The following ZFYVE16 variants were observed in gnomAD, a reference collection of about 807,000 sequenced individuals.
The protein encoded by ZFYVE16 is zinc finger FYVE-type containing 16.
Under a neutral mutation model 138.1 loss-of-function variants are expected in ZFYVE16, and 89 were observed. That is an observed-to-expected ratio of 0.64 (90% confidence interval 0.54 to 0.77). The LOEUF is 0.77. ZFYVE16 is among the 30% of genes least tolerant of loss of function. The pLI is 0.00. For missense variants in ZFYVE16, 1,793 were observed against 1,786.7 expected (o/e 1.00, Z -0.06); for synonymous variants, 596 against 618.3 (o/e 0.96, Z 0.53).
intron 2 of ZFYVE16, among the ~76,000 whole-genome samples, chr5:80,432,326 A>C (rs1347277122): frequency 1.3e-5 from 2 of 152,148 alleles, no homozygotes; most frequent in African/African-American, 2.4e-5. Flanking sequence ...CAAAAACAAG[A>C]AATGGGGAAA....
chr5:80,451,737 G>T lies in ZFYVE16; in HGVS notation c.3607+28G>T, dbSNP rs369633433. ...AAGTTTTAGAGTAATAAGTTAAATT[G>T]CATATTTTCAAATATACTGAATGTA... is the stretch of plus-strand genomic sequence containing the variant. On this transcript the variant is annotated intron_variant, in intron 11 of 18. Coordinates refer to ENST00000505560, the MANE Select transcript of ZFYVE16 (RefSeq NM_001284236.3). 265 of 1,572,246 alleles carry T rather than the reference G, an allele frequency of 1.7e-4. No individual in the cohort carries two copies. In the African/African-American group the frequency reaches 3.1e-3, roughly 19 times the overall value.
At chr5:80,454,539 C>T (rs1363478833) in intron 11 of ZFYVE16, 2 of 151,128 alleles carry the variant, frequency 1.3e-5, no homozygotes, top group African/African-American at 4.9e-5. Context: ...CGGAGTCTCA[C>T]TCTGTCGCCC....
At chr5:80,471,817 C>T (rs1408558658) in intron 15 of ZFYVE16, among the ~76,000 whole-genome samples, 2 of 152,174 alleles carry the variant, frequency 1.3e-5, no homozygotes, top group African/African-American at 4.8e-5. Flanking sequence ...ATCACCTTGA[C>T]ATTGTGTAGA....
chr5:80,474,917 G>C lies in ZFYVE16; in HGVS notation c.4461+87G>C, dbSNP rs1754745309. 5 of 1,424,266 alleles carry C rather than the reference G, an allele frequency of 3.5e-6. No homozygotes were observed. The South Asian group carries it at 7.0e-5, about 20-fold the overall frequency. 88.2% of individuals were successfully genotyped at this position (1,424,266 alleles called of 1,614,324 possible). A position where few individuals can be genotyped will look rare whatever the true frequency, so the allele number is the denominator to read the frequency against. On this transcript the variant is annotated intron_variant, in intron 18 of 18. Coordinates refer to ENST00000505560, the MANE Select transcript of ZFYVE16 (RefSeq NM_001284236.3). ...TTCAACCTTTTATTTTGGGATGAAA[G>C]GGAACGAAAATTTGTTGAGCATCAA...
rs771822305 is a variant in ZFYVE16, at chr5:80,448,424, A to G, written c.3103+20A>G. 22 of 1,456,280 alleles carry G rather than the reference A, an allele frequency of 1.5e-5. No homozygotes were observed. Among genetic ancestry groups the G allele is most frequent in the Non-Finnish European group, 1.8e-5 (20 of 1,111,000 alleles). 90.2% of individuals were successfully genotyped at this position (1,456,280 alleles called of 1,614,324 possible). ...GATCAGGTAGGGAAGCAGTTATTTA[A>G]ATTTAAAAAGATTTAAAAATATATA... On this transcript the variant is annotated intron_variant, in intron 8 of 18. Coordinates refer to ENST00000505560, the MANE Select transcript of ZFYVE16 (RefSeq NM_001284236.3).
At chr5:80,474,157 A>G (rs931961499) in intron 17 of ZFYVE16, among the ~76,000 whole-genome samples, 1 of 152,202 alleles carries the variant, frequency 6.6e-6, no homozygotes, top group African/African-American at 2.4e-5. Context: ...TTTATGAAAA[A>G]TAAGATATTG....
intron 1 of ZFYVE16, among the ~76,000 whole-genome samples, chr5:80,426,270 G>GTATATA (rs1243467376): frequency 2.1e-5 from 2 of 94,966 alleles, no homozygotes; most frequent in African/African-American, 7.3e-5. Flanking sequence ...GTGTGTGTGT[G>GTATATA]TGTATATATA....
intron 18 of ZFYVE16, among the ~76,000 whole-genome samples, chr5:80,475,529 A>G (rs1259223301): frequency 6.6e-6 from 1 of 152,214 alleles, no homozygotes; most frequent in Non-Finnish European, 1.5e-5. Flanking sequence ...CGGCCAAGCA[A>G]TCAGTGTTAC....
At chr5:80,433,567 C>CCCT (rs1339136783) in intron 2 of ZFYVE16, among the ~76,000 whole-genome samples, 1 of 151,688 alleles carries the variant, frequency 6.6e-6, no homozygotes, top group African/African-American at 2.4e-5. Flanking sequence ...TGCACATGTA[C>CCCT]CCTAGAACTT....
chr5:80,452,410 G>T (rs1752070576), intron 11 of ZFYVE16: 1 of 143,578 alleles, frequency 7.0e-6, no homozygotes. Context: ...TTCCAGCCAG[G>T]GTGACAGAGC....
Position 80,445,428 on chromosome 5 carries a change from T to A in ZFYVE16, c.2724+23T>A, listed in dbSNP as rs746219055. The A allele has an allele frequency of 1.9e-6, 3 of 1,595,698 alleles. No individual in the cohort carries two copies. The East Asian group carries it at 6.7e-5, about 36-fold the overall frequency. ...ATGGTAAGGAATTCAAAGAATAACT[T>A]AATTGACTAAACAAAATTTTATTTC... On this transcript the variant is annotated intron_variant, in intron 7 of 18. Transcript: ENST00000505560.
In ZFYVE16 at chr5:80,459,415, G is replaced by A. The variant is rs1031824469; in HGVS notation, c.3945G>A (p.Val1315=). 1 of 1,611,858 alleles carries A rather than the reference G, an allele frequency of 6.2e-7. No individual in the cohort carries two copies. Among genetic ancestry groups the A allele is most frequent in the Non-Finnish European group, 8.5e-7 (1 of 1,179,090 alleles). ...ATAATTGTTGTATTTCTTGATCAGT[G>A]ACAGGTGCAAGTTTTGTGGTATTCA... is the stretch of plus-strand genomic sequence containing the variant. ...ANSATGHPRK[V]TGASFVVFNG... The change falls in exon 15 of 19, where the codon GTG becomes GTA. Residue 1315 remains valine (V), a splice_region_variant and synonymous_variant. Coordinates refer to ENST00000505560, the MANE Select transcript of ZFYVE16 (RefSeq NM_001284236.3).
At chr5:80,468,354 A>G (rs1308935953) in intron 15 of ZFYVE16, among the ~76,000 whole-genome samples, 1 of 152,230 alleles carries the variant, frequency 6.6e-6, no homozygotes, top group Non-Finnish European at 1.5e-5. Context: ...CAAACTTCAT[A>G]GAGTGCACTT....
chr5:80,439,886 G>A, intron 4 of ZFYVE16, 50 bp from the exon 5 acceptor site: 1 of 1,513,642 alleles, frequency 6.6e-7, no homozygotes, highest in Non-Finnish European at 9.0e-7. Flanking sequence ...CCTCTAGTAG[G>A]TGTAAGTATT....
chr5:80,445,132 T>G, intron 6 of ZFYVE16, 131 bp from the exon 7 acceptor site: 1 of 927,130 alleles, frequency 1.1e-6, no homozygotes, highest in Non-Finnish European at 1.6e-6. Context: ...CTCTAGATCT[T>G]TGTAGCCCTG....
chr5:80,420,523 C>G (rs1411613150), intron 1 of ZFYVE16, among the ~76,000 whole-genome samples: 1 of 152,098 alleles, frequency 6.6e-6, no homozygotes, highest in Non-Finnish European at 1.5e-5. Flanking sequence ...TCAATTCCCA[C>G]CTATGAGTGA....
In ZFYVE16 at chr5:80,477,303, C is replaced by T. The variant is rs1319406924; in HGVS notation, c.4546C>T (p.His1516Tyr). 6.2e-7 allele frequency: 1 copy of T among 1,609,868 alleles called. No homozygotes were observed. The highest frequency in any genetic ancestry group is 1.3e-5 in the African/African-American group (1 of 74,694). ...TGATAGTGCTCTGATACCTGTGATCCATGGTGGGACCTCCAACTCTAGTTT... is the reference window on the plus strand; with the variant it reads ...TGATAGTGCTCTGATACCTGTGATCTATGGTGGGACCTCCAACTCTAGTTT... ...DLDSALIPVI[H>Y]GGTSNSSLPL... The change falls in exon 19 of 19, where the codon CAT becomes TAT. Residue 1516 changes from histidine to tyrosine, a missense_variant. This residue lies in a region of ZFYVE16 where 498 missense variants were observed against 582.4 expected (regional missense o/e 0.86). Coordinates refer to ENST00000505560, the MANE Select transcript of ZFYVE16 (RefSeq NM_001284236.3).
In ZFYVE16 at chr5:80,450,519, A is replaced by G; in HGVS notation, c.3315A>G (p.Pro1105=). 6.2e-7 allele frequency: 1 copy of G among 1,613,628 alleles called. No individual in the cohort carries two copies. The highest frequency in any genetic ancestry group is 8.5e-7 in the Non-Finnish European group (1 of 1,179,696). The part of the protein sequence containing the change: ...AEIIILLLCL[P]NEDTIPKDIF... ...TTATTATTCTATTGTTATGTTTGCCAAATGAAGATACTATTCCTAAGGACA... is the reference window on the plus strand; with the variant it reads ...TTATTATTCTATTGTTATGTTTGCCGAATGAAGATACTATTCCTAAGGACA... The change falls in exon 10 of 19, where the codon CCA becomes CCG. Residue 1105 remains proline (P), a synonymous_variant. Coordinates refer to ENST00000505560, the MANE Select transcript of ZFYVE16 (RefSeq NM_001284236.3).
At chr5:80,414,738 AAATAT>A (rs1264381713) in intron 1 of ZFYVE16, among the ~76,000 whole-genome samples, 2 of 152,216 alleles carry the variant, frequency 1.3e-5, no homozygotes, top group Admixed American at 6.5e-5. Context: ...GTTCAACAGC[AAATAT>A]AATAAATAAA....
Sources: allele counts gnomAD v4.1 joint callset (sites outside exome capture counted in the v4.1 genomes callset), GRCh38; gene constraint gnomAD v4.1.1; regional missense constraint gnomAD v4.1.1; transcripts MANE v1.5; gene names NCBI Gene and HGNC (gene_info 2026-07-23, HGNC 2026-07-21).